AGBL1: variants seen among roughly 807,000 people sequenced by gnomAD.
AGBL1 encodes cytosolic carboxypeptidase 4.
A neutral mutation model predicts 118.9 loss-of-function variants in AGBL1; 130 were observed. The observed-to-expected ratio is 1.09, with a 90% CI of 0.95 to 1.26. AGBL1 has a LOEUF of 1.26. AGBL1 is among the 50% of genes most tolerant of loss of function. AGBL1 has a pLI of 0.00. For missense variants in AGBL1, 1,584 were observed against 1,298.1 expected (o/e 1.22, Z -3.38); for synonymous variants, 555 against 478.9 (o/e 1.16, Z -2.08).
chr15:86,507,342 C>T (rs978351051), intron 18 of AGBL1, among the ~76,000 whole-genome samples: 1 of 152,056 alleles, frequency 6.6e-6, no homozygotes, highest in East Asian at 1.9e-4. Flanking sequence ...TATACTCAGA[C>T]CATAAAAATA....
At chr15:86,197,077 T>C (rs1244527156) in intron 5 of AGBL1, among the ~76,000 whole-genome samples, 1 of 152,182 alleles carries the variant, frequency 6.6e-6, no homozygotes. Flanking sequence ...TCTGACATTT[T>C]ATTATGGCAG....
chr15:86,948,713 C>G (rs1457268559), intron 23 of AGBL1, among the ~76,000 whole-genome samples: 3 of 152,166 alleles, frequency 2.0e-5, no homozygotes, highest in African/African-American at 7.2e-5. Context: ...TAGCTAGTAT[C>G]CCTGAAAAAC....
chr15:86,086,002 C>G (rs1895620760), intron 1 of AGBL1, among the ~76,000 whole-genome samples: 1 of 152,170 alleles, frequency 6.6e-6, no homozygotes, highest in South Asian at 2.1e-4. Context: ...AGAGGGTGGA[C>G]AGGGGACCAG....
intron 6 of AGBL1, among the ~76,000 whole-genome samples, chr15:86,235,862 A>T (rs1199744700): frequency 1.3e-5 from 2 of 152,174 alleles, no homozygotes; most frequent in Non-Finnish European, 1.5e-5. Flanking sequence ...CAACTGAGTA[A>T]AGGCCAGATT....
intron 22 of AGBL1, among the ~76,000 whole-genome samples, chr15:86,693,502 G>T (rs2086207558): frequency 6.6e-6 from 1 of 151,974 alleles, no homozygotes; most frequent in Admixed American, 6.6e-5. Context: ...CTGGATATTA[G>T]TCCTTTGTTG....
intron 3 of AGBL1, among the ~76,000 whole-genome samples, chr15:86,146,327 A>G (rs769710882): frequency 2.0e-5 from 3 of 152,230 alleles, no homozygotes; most frequent in African/African-American, 7.2e-5. Context: ...TAGCATTTAC[A>G]TTAGATTAAG....
intron 22 of AGBL1, among the ~76,000 whole-genome samples, chr15:86,696,770 C>T (rs1318825004): frequency 2.0e-5 from 3 of 151,864 alleles, no homozygotes; most frequent in African/African-American, 4.8e-5. Flanking sequence ...CTCCTTTTAG[C>T]AGTTCTTGTA....
At chr15:86,420,235 A>T (rs1237592842) in intron 18 of AGBL1, among the ~76,000 whole-genome samples, 2 of 152,098 alleles carry the variant, frequency 1.3e-5, no homozygotes, top group Non-Finnish European at 2.9e-5. Flanking sequence ...GCATCCAGTG[A>T]GTGCCCTTCT....
chr15:86,873,090 A>AG (rs2079753211), intron 22 of AGBL1, among the ~76,000 whole-genome samples: 1 of 152,214 alleles, frequency 6.6e-6, no homozygotes, highest in Non-Finnish European at 1.5e-5. Context: ...TGGGAACTGA[A>AG]GAAAAAAAGC....
chr15:86,200,558 C>CAT (rs1377351029), intron 5 of AGBL1, among the ~76,000 whole-genome samples: 3 of 143,760 alleles, frequency 2.1e-5, no homozygotes, highest in Non-Finnish European at 4.6e-5. Context: ...CTACCCCCCC[C>CAT]CCCCTTTTTT....
At chr15:86,362,526 A>G (rs2080819973) in intron 17 of AGBL1, among the ~76,000 whole-genome samples, 1 of 152,210 alleles carries the variant, frequency 6.6e-6, no homozygotes, top group African/African-American at 2.4e-5. Context: ...CTAAGTTCAG[A>G]GGGCCTGCTA....
rs139319091 is a variant in AGBL1 at position 86,773,930 on chromosome 15, A to G, written c.3158+99494A>G. 3.7e-4 allele frequency among the ~76,000 whole-genome samples: 57 copies of G among 152,268 alleles called. 1 individual carries two copies. Among genetic ancestry groups the G allele is most frequent in the African/African-American group, 1.2e-3 (48 of 41,562 alleles). ...CTATTTAACAAGCCATGGGAAATGA[A>G]TAGGCTGGCTCTGAGAGGGATAGCA... is the stretch of plus-strand genomic sequence containing the variant. On this transcript the variant is annotated intron_variant, in intron 22 of 22. Coordinates refer to ENST00000614907, the MANE Select transcript of AGBL1 (RefSeq NM_001386094.1).
chr15:86,269,782 A>G (rs1429065710), intron 13 of AGBL1, 137 bp from the exon 14 acceptor site: 10 of 979,412 alleles, frequency 1.0e-5, no homozygotes, highest in Non-Finnish European at 8.8e-6. Context: ...TCAGGATGAT[A>G]AGTATAACTT....
At chr15:87,006,851 C>T (rs568600651) in intron 24 of AGBL1, among the ~76,000 whole-genome samples, 5 of 152,238 alleles carry the variant, frequency 3.3e-5, no homozygotes, top group African/African-American at 9.6e-5. Context: ...ACCTGGACTA[C>T]AGCCTGAGAA....
At chr15:86,737,097 CA>C (rs2077613145) in intron 22 of AGBL1, among the ~76,000 whole-genome samples, 2 of 152,192 alleles carry the variant, frequency 1.3e-5, no homozygotes, top group South Asian at 4.1e-4. Flanking sequence ...ACCTTGTCTT[CA>C]AATTGCTGAT....
rs11389548 is a variant in AGBL1 at position 86,569,412 on chromosome 15, GA to G, written c.2994+14888del. ...CTGTCTCAAAGAAAAAGAAAACAAG[GA>G]AAAAAAAAAAAAGAGAGAAATCCGG... On this transcript the variant is annotated intron_variant, in intron 21 of 22. Transcript: ENST00000614907. Among the ~76,000 whole-genome samples the G allele has an allele frequency of 1.8e-3, 256 of 142,814 alleles. 2 individuals are homozygous for G. Among genetic ancestry groups the G allele is most frequent in the African/African-American group, 4.9e-3 (189 of 38,798 alleles). 93.7% of individuals were successfully genotyped at this position (142,814 alleles called of 152,430 possible). A position where few individuals can be genotyped will look rare whatever the true frequency, so the allele number is the denominator to read the frequency against.
At chr15:86,141,025 G>A (rs901973631) in intron 1 of AGBL1, among the ~76,000 whole-genome samples, 4 of 152,192 alleles carry the variant, frequency 2.6e-5, no homozygotes, top group South Asian at 2.1e-4. Flanking sequence ...TTAAGGCTTT[G>A]CCTTAAATAA....
At chr15:86,594,263 A>G (rs2084377383) in intron 21 of AGBL1, among the ~76,000 whole-genome samples, 2 of 152,126 alleles carry the variant, frequency 1.3e-5, no homozygotes, top group Non-Finnish European at 2.9e-5. Flanking sequence ...ATATTTGTTC[A>G]TGATTTATTA....
chr15:86,429,810 C>T (rs1343112139), intron 18 of AGBL1, among the ~76,000 whole-genome samples: 1 of 152,134 alleles, frequency 6.6e-6, no homozygotes, highest in Non-Finnish European at 1.5e-5. Context: ...CTAAGAAAGC[C>T]AGAGACATTA....
Sources: allele counts gnomAD v4.1 joint callset (sites outside exome capture counted in the v4.1 genomes callset), GRCh38; gene constraint gnomAD v4.1.1; transcripts MANE v1.5; gene names NCBI Gene and HGNC (gene_info 2026-07-23, HGNC 2026-07-21).